The following SEMA5A variants were observed in gnomAD, a reference collection of about 807,000 sequenced individuals.
SEMA5A encodes semaphorin-5A.
Under a neutral mutation model 135.5 loss-of-function variants are expected in SEMA5A, and 55 were observed. The ratio of observed to expected loss-of-function variants is 0.41; its 90% CI spans 0.33 to 0.51. The LOEUF (loss-of-function observed/expected upper bound fraction) is 0.51. Ranked by LOEUF, SEMA5A falls within the 20% of genes least tolerant of loss-of-function variation. SEMA5A has a pLI of 0.37. For missense variants in SEMA5A, 1,290 were observed against 1,419.9 expected (o/e 0.91, Z 1.47); for synonymous variants, 580 against 546.5 (o/e 1.06, Z -0.85).
chr5:9,139,124 T>C (rs553693056), intron 12 of SEMA5A, among the ~76,000 whole-genome samples: 4 of 152,348 alleles, frequency 2.6e-5, no homozygotes, highest in African/African-American at 7.2e-5. Context: ...AGTAGTGGGA[T>C]TGCTGGATCA....
chr5:9,382,321 T>C (rs788465), intron 2 of SEMA5A, among the ~76,000 whole-genome samples: 103,807 of 151,140 alleles, frequency 0.69, 35,692 homozygotes, highest in Admixed American at 0.73. Flanking sequence ...AATAAATAAA[T>C]GAATACATAA....
At chr5:9,320,437 C>T (rs1752577872) in intron 4 of SEMA5A, among the ~76,000 whole-genome samples, 1 of 152,152 alleles carries the variant, frequency 6.6e-6, no homozygotes, top group South Asian at 2.1e-4. Context: ...ATCTGCAGGC[C>T]AGGCACATTG....
At chr5:9,206,750 G>A (rs763910084) in intron 8 of SEMA5A, among the ~76,000 whole-genome samples, 7 of 151,606 alleles carry the variant, frequency 4.6e-5, no homozygotes, top group African/African-American at 9.7e-5. Context: ...GTCAAAAGTC[G>A]CCTTGTGAGA....
chr5:9,093,346 T>A (rs1220133895), intron 16 of SEMA5A, among the ~76,000 whole-genome samples: 1 of 152,006 alleles, frequency 6.6e-6, no homozygotes, highest in East Asian at 1.9e-4. Context: ...ATTAACAGAG[T>A]TCTACTGTGT....
At chr5:9,197,035 G>T in intron 10 of SEMA5A, 133 bp downstream of exon 10, 1 of 1,275,666 alleles carries the variant, frequency 7.8e-7, no homozygotes, top group Non-Finnish European at 1.1e-6. Context: ...GTATGGGGCT[G>T]TCCATGAGGG....
At position 9,338,376 on chromosome 5, in the gene SEMA5A, T is replaced by C. The variant is rs147101004; in HGVS notation, c.125-564A>G. On this transcript the variant is annotated intron_variant, in intron 3 of 22. Coordinates refer to ENST00000382496, the MANE Select transcript of SEMA5A (RefSeq NM_003966.3). Reference sequence around the variant, plus strand: ...GAGAAATCCACAGTTACTTCTAGGCTTCATTTGCATTTTTTTTTCTAAGGG... The same window carrying C: ...GAGAAATCCACAGTTACTTCTAGGCCTCATTTGCATTTTTTTTTCTAAGGG... Among the ~76,000 whole-genome samples the C allele has an allele frequency of 3.8e-3, 575 of 152,308 alleles. 7 individuals carry two copies. The highest frequency in any genetic ancestry group is 0.013 in the African/African-American group (546 of 41,574).
At chr5:9,197,571 C>T (rs949257288) in intron 9 of SEMA5A, among the ~76,000 whole-genome samples, 1 of 152,136 alleles carries the variant, frequency 6.6e-6, no homozygotes, top group Non-Finnish European at 1.5e-5. Flanking sequence ...GCAACAGGGG[C>T]AAGAGGGAAT....
At chr5:9,429,394 T>C (rs183963394) in intron 2 of SEMA5A, among the ~76,000 whole-genome samples, 24 of 152,296 alleles carry the variant, frequency 1.6e-4, no homozygotes, top group Non-Finnish European at 2.9e-4. Context: ...TCTTAGTCCC[T>C]TACCTCACCT....
rs1378536463 is a variant in SEMA5A, at chr5:9,545,486, C to T, written c.-175+98G>A. The T allele has an allele frequency of 6.6e-6, 1 of 152,406 alleles. No individual in the cohort carries two copies. The highest frequency in any genetic ancestry group is 1.5e-5 in the Non-Finnish European group (1 of 68,258). 9.4% of individuals were successfully genotyped at this position (152,406 alleles called of 1,614,324 possible). ...AGATCGGCACCACCCACCAGCCGAC[C>T]GCTGCAGTCCCCGGGTCCCGGCCAG... On this transcript the variant is annotated intron_variant, in intron 1 of 22. Coordinates refer to ENST00000382496, the MANE Select transcript of SEMA5A (RefSeq NM_003966.3). This position sits in a 1 kb window ranked among gnomAD's most constrained non-coding sequence, Gnocchi z 4.5.
chr5:9,537,480 T>C (rs75717579), intron 1 of SEMA5A, among the ~76,000 whole-genome samples: 3 of 152,168 alleles, frequency 2.0e-5, no homozygotes, highest in South Asian at 2.1e-4. Context: ...GTATGAAAGA[T>C]AAAAATGTCA....
At chr5:9,451,181 C>G (rs1421750156) in intron 1 of SEMA5A, among the ~76,000 whole-genome samples, 1 of 152,174 alleles carries the variant, frequency 6.6e-6, no homozygotes, top group African/African-American at 2.4e-5. Context: ...GACATCTAGC[C>G]ACTCTGCTGC....
chr5:9,500,276 A>G (rs1270598371), intron 1 of SEMA5A, among the ~76,000 whole-genome samples: 1 of 152,206 alleles, frequency 6.6e-6, no homozygotes, highest in Non-Finnish European at 1.5e-5. Flanking sequence ...TTGCTCCTTC[A>G]TAAATTCACT....
chr5:9,545,254 G>T lies in SEMA5A; in HGVS notation c.-175+330C>A, dbSNP rs1022879435. On this transcript the variant is annotated intron_variant, in intron 1 of 22. Transcript: ENST00000382496. This position sits in a 1 kb window ranked among gnomAD's most constrained non-coding sequence, Gnocchi z 4.5. ...CGGGGGCGGGCACAGACCAGTGTGC[G>T]CACCTTTCCGGGTGTTGGGCAGGGG... Among the ~76,000 whole-genome samples, 8 of 152,110 alleles carry T rather than the reference G, an allele frequency of 5.3e-5. No homozygotes were observed. The highest frequency in any genetic ancestry group is 1.0e-4 in the Non-Finnish European group (7 of 68,010).
At chr5:9,508,300 T>C (rs755353063) in intron 1 of SEMA5A, among the ~76,000 whole-genome samples, 11 of 152,138 alleles carry the variant, frequency 7.2e-5, no homozygotes, top group Non-Finnish European at 1.6e-4. Flanking sequence ...CACCACCGCA[T>C]CCAGTAGTCA....
At chr5:9,308,832 A>T (rs1751993172) in intron 5 of SEMA5A, among the ~76,000 whole-genome samples, 1 of 151,944 alleles carries the variant, frequency 6.6e-6, no homozygotes, top group South Asian at 2.1e-4. Context: ...TAATACCCCC[A>T]CTTTAGTGCT....
intron 11 of SEMA5A, among the ~76,000 whole-genome samples, chr5:9,185,741 C>T (rs947760111): frequency 6.6e-6 from 1 of 152,140 alleles, no homozygotes; most frequent in African/African-American, 2.4e-5. Flanking sequence ...CTTTTCTAAA[C>T]ACTAGAATTG....
intron 18 of SEMA5A, among the ~76,000 whole-genome samples, chr5:9,061,599 C>T (rs775080146): frequency 4.3e-4 from 65 of 152,144 alleles, no homozygotes; most frequent in South Asian, 2.3e-3. Context: ...CCCTGAGCTG[C>T]GGCAGGAGAA....
intron 5 of SEMA5A, among the ~76,000 whole-genome samples, chr5:9,314,562 A>G (rs1048034627): frequency 2.0e-4 from 31 of 152,174 alleles, no homozygotes; most frequent in African/African-American, 7.5e-4. Flanking sequence ...TGGTGCTTCT[A>G]TCAGACGGCA....
intron 5 of SEMA5A, among the ~76,000 whole-genome samples, chr5:9,268,394 G>A (rs1749790628): frequency 6.6e-6 from 1 of 152,156 alleles, no homozygotes; most frequent in African/African-American, 2.4e-5. Flanking sequence ...TGAACAAACA[G>A]TGATAAGACC....
Sources: gnomAD v4.1 joint callset for allele counts (sites outside exome capture counted in the v4.1 genomes callset) on GRCh38, gnomAD v4.1.1 for gene constraint, Gnocchi (gnomAD v3.1) non-coding constraint, MANE v1.5 for transcripts, NCBI Gene and HGNC (gene_info 2026-07-23, HGNC 2026-07-21) for gene names.